PPFIBP1: variants seen among roughly 807,000 people sequenced by gnomAD.
PPFIBP1 encodes the protein liprin-beta-1.
In PPFIBP1, 112 loss-of-function variants were observed where a neutral mutation model predicts 137.8. The ratio of observed to expected loss-of-function variants is 0.81; its 90% CI spans 0.70 to 0.95. The LOEUF (loss-of-function observed/expected upper bound fraction) is 0.95, where lower values mean the gene tolerates loss of function less well. Ranked by LOEUF, PPFIBP1 falls within the 40% of genes least tolerant of loss-of-function variation. PPFIBP1 has a pLI of 0.00. For missense variants in PPFIBP1, 1,083 were observed against 1,196.6 expected (o/e 0.91, Z 1.40); for synonymous variants, 378 against 417.3 (o/e 0.91, Z 1.15).
Position 27,655,056 on chromosome 12 carries a change from C to T in PPFIBP1, c.696+242C>T, listed in dbSNP as rs533803772. 8.2e-5 allele frequency: 92 copies of T among 1,115,844 alleles called. No homozygotes were observed. The African/African-American group carries it at 1.2e-3, about 14-fold the overall frequency. The allele number at this position is 1,115,844 out of a possible 1,614,324, so 69.1% of individuals were successfully genotyped here. On this transcript the variant is annotated intron_variant, in intron 8 of 29. Transcript: ENST00000228425. ...CCTTTCTCTGAGTTGTATCTAACCT[C>T]CTTTATAAACTGATACTGTTTTCTC...
chr12:27,693,040 A>T lies in PPFIBP1; in HGVS notation c.*158A>T. On this transcript the variant is annotated 3_prime_UTR_variant, in exon 30 of 30. Transcript: ENST00000228425. Reference sequence around the variant, plus strand: ...AACAGAAAGCAGGAGTAATGTGCCGATTCTGAAGTTGCCACAAAAAATAAG... The same window carrying T: ...AACAGAAAGCAGGAGTAATGTGCCGTTTCTGAAGTTGCCACAAAAAATAAG... 1 of 1,211,978 alleles carries T rather than the reference A, an allele frequency of 8.3e-7. No homozygotes were observed. The highest frequency in any genetic ancestry group is 1.1e-6 in the Non-Finnish European group (1 of 915,626). The allele number at this position is 1,211,978 out of a possible 1,614,324, so 75.1% of individuals were successfully genotyped here. A position where few individuals can be genotyped will look rare whatever the true frequency, so the allele number is the denominator to read the frequency against.
chr12:27,690,893 T>C (rs915251364), intron 27 of PPFIBP1, among the ~76,000 whole-genome samples: 3 of 152,082 alleles, frequency 2.0e-5, no homozygotes, highest in African/African-American at 7.2e-5. Flanking sequence ...AAATTCAGAT[T>C]ACTTTTTCTT....
At chr12:27,679,437 A>T (rs1034373315) in intron 19 of PPFIBP1, 52 bp from the exon 20 acceptor site, 1 of 1,523,106 alleles carries the variant, frequency 6.6e-7, no homozygotes, top group East Asian at 2.3e-5. Flanking sequence ...GATTAACATC[A>T]TGTTTATTCC....
intron 19 of PPFIBP1, 131 bp from the exon 20 acceptor site, chr12:27,679,358 C>A: frequency 1.2e-6 from 1 of 837,812 alleles, no homozygotes. Flanking sequence ...CTAATATTTA[C>A]AAGGTGCTCT....
intron 2 of PPFIBP1, among the ~76,000 whole-genome samples, chr12:27,610,459 T>G (rs2054976575): frequency 6.6e-6 from 1 of 152,174 alleles, no homozygotes; most frequent in Admixed American, 6.5e-5. Flanking sequence ...ACTGAGCACT[T>G]AAAGCGCCCA....
chr12:27,628,963 G>A (rs1490701018), intron 2 of PPFIBP1, among the ~76,000 whole-genome samples: 1 of 152,156 alleles, frequency 6.6e-6, no homozygotes, highest in African/African-American at 2.4e-5. Flanking sequence ...GGGGGAAAGT[G>A]TGCTGGAGTA....
Position 27,692,640 on chromosome 12 carries a change from G to A in PPFIBP1, c.2915G>A (p.Gly972Asp), listed in dbSNP as rs777444033. 3 of 1,613,994 alleles carry A rather than the reference G, an allele frequency of 1.9e-6. No individual in the cohort carries two copies. Among genetic ancestry groups the A allele is most frequent in the Non-Finnish European group, 2.5e-6 (3 of 1,179,972 alleles). The change falls in exon 29 of 30, where the codon GGC (glycine) becomes GAC (aspartate). Residue 972 changes from glycine to aspartate, a missense_variant. By Grantham distance (94) the Gly-to-Asp change is moderately conservative. Transcript: ENST00000228425. ...TVRQIGAFSEGINNLTHMLKE... is the reference protein window; with the variant it reads ...TVRQIGAFSEDINNLTHMLKE... ...AGACAGATAGGTGCATTCTCTGAAG[G>A]CATCAACAATCTGACGGTGAGTTTG... is the stretch of plus-strand genomic sequence containing the variant.
At chr12:27,611,020 G>A (rs1188591416) in intron 2 of PPFIBP1, among the ~76,000 whole-genome samples, 1 of 152,128 alleles carries the variant, frequency 6.6e-6, no homozygotes, top group Non-Finnish European at 1.5e-5. Context: ...CTCTCTGGAG[G>A]TCATTGCCAG....
intron 2 of PPFIBP1, among the ~76,000 whole-genome samples, chr12:27,629,976 G>C (rs2057145971): frequency 6.6e-6 from 1 of 152,058 alleles, no homozygotes; most frequent in African/African-American, 2.4e-5. Flanking sequence ...CCTTATCCTG[G>C]TGAATATAAC....
At chr12:27,555,557 A>C (rs761135215) in intron 1 of PPFIBP1, among the ~76,000 whole-genome samples, 1 of 152,222 alleles carries the variant, frequency 6.6e-6, no homozygotes, top group East Asian at 1.9e-4. Flanking sequence ...CTTGGCAGAA[A>C]TTGTGCTTTT....
intron 1 of PPFIBP1, among the ~76,000 whole-genome samples, chr12:27,571,454 G>A (rs1166760953): frequency 1.3e-5 from 2 of 152,126 alleles, no homozygotes; most frequent in Admixed American, 1.3e-4. Flanking sequence ...AAATGGGGGA[G>A]GAGATGAACC....
Position 27,601,103 on chromosome 12 carries a change from A to G in PPFIBP1, c.-36+22864A>G, listed in dbSNP as rs527402155. ...AACTAAAACTTTGTACCTGTTGACA[A>G]ACATCTTCCCTTTCCCTCTTTACTC... On this transcript the variant is annotated intron_variant, in intron 2 of 29. Transcript: ENST00000228425. Among the ~76,000 whole-genome samples the G allele has an allele frequency of 2.0e-5, 3 of 152,314 alleles. 1 individual carries two copies. The highest frequency in any genetic ancestry group is 7.2e-5 in the African/African-American group (3 of 41,572).
chr12:27,589,310 T>G (rs1237205961), intron 2 of PPFIBP1, among the ~76,000 whole-genome samples: 2 of 152,220 alleles, frequency 1.3e-5, no homozygotes, highest in Non-Finnish European at 2.9e-5. Context: ...TCTATTCTTG[T>G]GGCCAGTTAG....
At chr12:27,552,652 G>A (rs947174975) in intron 1 of PPFIBP1, 1 of 152,070 alleles carries the variant, frequency 6.6e-6, no homozygotes, top group African/African-American at 2.4e-5. Context: ...CTGACAACTC[G>A]GAACATAACT....
At chr12:27,532,478 G>GTA (rs1425046638) in intron 1 of PPFIBP1, among the ~76,000 whole-genome samples, 1 of 149,712 alleles carries the variant, frequency 6.7e-6, no homozygotes, top group Non-Finnish European at 1.5e-5. Flanking sequence ...TTTTTTTACA[G>GTA]TATATTACAT....
intron 2 of PPFIBP1, among the ~76,000 whole-genome samples, chr12:27,607,395 T>G (rs2054625132): frequency 6.6e-6 from 1 of 152,222 alleles, no homozygotes; most frequent in Non-Finnish European, 1.5e-5. Context: ...ACTGCAATGT[T>G]GTTGAAGCAC....
chr12:27,626,309 G>A (rs1229453226), intron 2 of PPFIBP1, among the ~76,000 whole-genome samples: 2 of 152,126 alleles, frequency 1.3e-5, no homozygotes, highest in African/African-American at 4.8e-5. Flanking sequence ...TGGCTTCTTC[G>A]GAGCTGTTAT....
At chr12:27,524,731 G>A (rs1379731034) in intron 1 of PPFIBP1, among the ~76,000 whole-genome samples, 1 of 151,538 alleles carries the variant, frequency 6.6e-6, no homozygotes, top group Non-Finnish European at 1.5e-5. Flanking sequence ...AAAAATTATG[G>A]ATCATCGACT....
intron 1 of PPFIBP1, chr12:27,548,453 A>G (rs192628983): frequency 1.4e-3 from 207 of 152,308 alleles, no homozygotes; most frequent in African/African-American, 4.4e-3. Flanking sequence ...ATAAGTCAAT[A>G]TGCTTTGGCG....
Sources: gnomAD v4.1 joint callset for allele counts (sites outside exome capture counted in the v4.1 genomes callset) on GRCh38, gnomAD v4.1.1 for gene constraint, MANE v1.5 for transcripts, NCBI Gene and HGNC (gene_info 2026-07-23, HGNC 2026-07-21) for gene names.